LRP6: variants seen among roughly 807,000 people sequenced by gnomAD.
LRP6 encodes the protein low-density lipoprotein receptor-related protein 6.
A neutral mutation model predicts 184.1 loss-of-function variants in LRP6; 43 were observed. The ratio of observed to expected loss-of-function variants is 0.23; its 90% confidence interval spans 0.18 to 0.30. LRP6 has a LOEUF of 0.30. Among genes scored for constraint, LRP6 ranks in the 10% least tolerant of loss-of-function variants. The pLI, the probability that LRP6 is intolerant of heterozygous loss-of-function variation, is 1.00. For synonymous variants in LRP6, 719 were observed against 684.9 expected (o/e 1.05, Z -0.78); for missense variants, 1,571 against 2,005.3 (o/e 0.78, Z 4.14).
At chr12:12,184,551 A>G (rs1863423632) in intron 4 of LRP6, among the ~76,000 whole-genome samples, 1 of 152,216 alleles carries the variant, frequency 6.6e-6, no homozygotes, top group Non-Finnish European at 1.5e-5. Flanking sequence ...GATAGGAAGG[A>G]TAGATAAGAG....
chr12:12,239,573 T>C (rs1237319293), intron 2 of LRP6, among the ~76,000 whole-genome samples: 1 of 152,128 alleles, frequency 6.6e-6, no homozygotes, highest in African/African-American at 2.4e-5. Context: ...TTCATTGTAA[T>C]TTCTGAAGAG....
intron 3 of LRP6, among the ~76,000 whole-genome samples, chr12:12,189,453 G>T (rs191587227): frequency 6.6e-6 from 1 of 152,244 alleles, no homozygotes; most frequent in African/African-American, 2.4e-5. Context: ...TTTAAAATCA[G>T]TAAGTTCTTA....
intron 1 of LRP6, among the ~76,000 whole-genome samples, chr12:12,262,243 G>T (rs753619959): frequency 1.3e-5 from 2 of 152,174 alleles, no homozygotes; most frequent in African/African-American, 2.4e-5. Context: ...TCCGGGCATG[G>T]TGGTGTGAGC....
chr12:12,131,132 G>T (rs897249255), intron 18 of LRP6, among the ~76,000 whole-genome samples: 1 of 127,892 alleles, frequency 7.8e-6, no homozygotes, highest in Non-Finnish European at 1.6e-5. Flanking sequence ...TTTTGAGACG[G>T]AGTCTTGCTC....
intron 7 of LRP6, among the ~76,000 whole-genome samples, chr12:12,170,059 A>AT (rs1214828089): frequency 2.0e-5 from 3 of 152,136 alleles, no homozygotes; most frequent in Non-Finnish European, 4.4e-5. Context: ...TGCCAGGAGA[A>AT]TGTTTTCGCT....
At chr12:12,180,055 C>T (rs1419730328) in intron 6 of LRP6, 74 bp from the exon 7 acceptor site, 4 of 1,252,104 alleles carry the variant, frequency 3.2e-6, no homozygotes, top group Non-Finnish European at 4.6e-6. Flanking sequence ...AAGGTGAGAT[C>T]CATCCCTCCT....
chr12:12,193,967 TAAC>T (rs1333621197), intron 3 of LRP6, among the ~76,000 whole-genome samples: 2 of 151,994 alleles, frequency 1.3e-5, no homozygotes, highest in Non-Finnish European at 2.9e-5. Flanking sequence ...AAACCAAATC[TAAC>T]AACATTTCAA....
intron 7 of LRP6, 144 bp from the exon 8 acceptor site, chr12:12,165,439 G>A (rs1435382301): frequency 1.5e-6 from 1 of 689,404 alleles, no homozygotes; most frequent in Non-Finnish European, 2.6e-6. Context: ...ATTACATGAT[G>A]ATTTTATAAA....
At chr12:12,190,901 A>T (rs1021517100) in intron 3 of LRP6, among the ~76,000 whole-genome samples, 2 of 152,236 alleles carry the variant, frequency 1.3e-5, no homozygotes, top group Non-Finnish European at 2.9e-5. Flanking sequence ...AACAGAGAAC[A>T]ACTAGGTAAT....
chr12:12,204,433 G>A (rs1863997899), intron 2 of LRP6, among the ~76,000 whole-genome samples: 1 of 152,080 alleles, frequency 6.6e-6, no homozygotes, highest in African/African-American at 2.4e-5. Context: ...AGGCAAAACT[G>A]ATGTAGTGTC....
At chr12:12,254,014 C>A (rs533411879) in intron 1 of LRP6, among the ~76,000 whole-genome samples, 1 of 151,876 alleles carries the variant, frequency 6.6e-6, no homozygotes, top group South Asian at 2.1e-4. Context: ...TATGGTCGCA[C>A]ACACCTGTGG....
intron 10 of LRP6, among the ~76,000 whole-genome samples, chr12:12,161,668 G>A (rs16907786): frequency 0.19 from 28,199 of 152,056 alleles, 2,785 homozygotes; most frequent in African/African-American, 0.24. Flanking sequence ...AGGAACACTC[G>A]CCCTTGAAAA....
At chr12:12,239,420 C>T (rs1225771810) in intron 2 of LRP6, among the ~76,000 whole-genome samples, 1 of 152,104 alleles carries the variant, frequency 6.6e-6, no homozygotes, top group Non-Finnish European at 1.5e-5. Context: ...ACAATGGAAA[C>T]AGTACAAAAC....
chr12:12,213,574 CCTT>C (rs1221480175), intron 2 of LRP6, among the ~76,000 whole-genome samples: 1 of 151,660 alleles, frequency 6.6e-6, no homozygotes, highest in Non-Finnish European at 1.5e-5. Context: ...CTTAAAAAGC[CCTT>C]CTCTCTTCAA....
intron 22 of LRP6, 67 bp from the exon 23 acceptor site, chr12:12,121,487 A>G (rs961930433): frequency 5.5e-6 from 8 of 1,446,852 alleles, no homozygotes; most frequent in African/African-American, 2.8e-5. Flanking sequence ...CCCTCTCAGA[A>G]TAGAGGTATT....
At chr12:12,217,045 A>G (rs1002239283) in intron 2 of LRP6, among the ~76,000 whole-genome samples, 2 of 152,154 alleles carry the variant, frequency 1.3e-5, no homozygotes, top group Non-Finnish European at 1.5e-5. Context: ...CAAATCCTTT[A>G]TAACTGGGGT....
chr12:12,171,280 G>A (rs573552579), intron 7 of LRP6, among the ~76,000 whole-genome samples: 1 of 152,296 alleles, frequency 6.6e-6, no homozygotes, highest in African/African-American at 2.4e-5. Flanking sequence ...ACTTTGGGAG[G>A]CCAAGGAGGG....
At chr12:12,264,979 T>A (rs1015517111) in intron 1 of LRP6, among the ~76,000 whole-genome samples, 2 of 152,188 alleles carry the variant, frequency 1.3e-5, no homozygotes, top group African/African-American at 4.8e-5. Flanking sequence ...GTCTCAAAGC[T>A]GGTGTTAAAC....
intron 19 of LRP6, among the ~76,000 whole-genome samples, chr12:12,129,123 C>T (rs771764828): frequency 6.6e-6 from 1 of 152,060 alleles, no homozygotes; most frequent in African/African-American, 2.4e-5. Flanking sequence ...TGTGTGACAC[C>T]TTTTTAAATG....
Sources: gnomAD v4.1 joint callset for allele counts (sites outside exome capture counted in the v4.1 genomes callset) on GRCh38, gnomAD v4.1.1 for gene constraint, MANE v1.5 for transcripts, NCBI Gene and HGNC (gene_info 2026-07-23, HGNC 2026-07-21) for gene names.